The following IMPDH1 variants were observed in gnomAD, a reference collection of about 807,000 sequenced individuals.
The protein encoded by IMPDH1 is inosine-5'-monophosphate dehydrogenase 1.
Under a neutral mutation model 73.5 loss-of-function variants are expected in IMPDH1, and 41 were observed. The ratio of observed to expected loss-of-function variants is 0.56; its 90% CI spans 0.43 to 0.72. IMPDH1 has a LOEUF of 0.72. Ranked by LOEUF, IMPDH1 falls within the 30% of genes least tolerant of loss-of-function variation. The pLI, the probability that IMPDH1 is intolerant of heterozygous loss-of-function variation, is 0.00. For missense variants in IMPDH1, 645 were observed against 824.8 expected, an observed-to-expected ratio of 0.78 and a Z score of 2.67; for synonymous variants, 318 against 334.3, an observed-to-expected ratio of 0.95 and a Z score of 0.53.
rs1446495446 is a variant in IMPDH1 at position 128,395,216 on chromosome 7, C to T, written c.1320G>A (p.Arg440=). The part of the protein sequence containing the change: ...TAVYKVAEYA[R]RFGVPIIADG... ...CGGCTATGATGGGCACACCAAAGCGCCGGGCATACTCAGCCACCTTGTACA... is the reference window on the plus strand; with the variant it reads ...CGGCTATGATGGGCACACCAAAGCGTCGGGCATACTCAGCCACCTTGTACA... Residue 440 remains arginine (R), a synonymous_variant, in exon 13 of 17, where the codon CGG becomes CGA. Transcript: ENST00000338791. 6.2e-7 allele frequency: 1 copy of T among 1,613,916 alleles called. No individual in the cohort carries two copies. Among genetic ancestry groups the T allele is most frequent in the Admixed American group, 1.7e-5 (1 of 60,032 alleles).
intron 13 of IMPDH1, 28 bp from the exon 14 acceptor site, chr7:128,395,061 C>A (rs368722619): frequency 8.7e-6 from 14 of 1,613,710 alleles, no homozygotes; most frequent in Admixed American, 8.3e-5. Context: ...TTAGTGCCTC[C>A]AGCCCACTAG....
At chr7:128,397,443 C>T (rs1374212253) in intron 10 of IMPDH1, among the ~76,000 whole-genome samples, 1 of 152,146 alleles carries the variant, frequency 6.6e-6, no homozygotes, top group Non-Finnish European at 1.5e-5. Context: ...AAGGTCTTGA[C>T]GCAGTGCCTG....
In IMPDH1 at chr7:128,396,655, A is replaced by G. The variant is rs1337846748; in HGVS notation, c.1206T>C (p.Gly402=). The G allele has an allele frequency of 5.1e-6, 8 of 1,555,550 alleles. No individual in the cohort carries two copies. Among genetic ancestry groups the G allele is most frequent in the Admixed American group, 1.9e-5 (1 of 51,704 alleles). The change falls in exon 12 of 17, where the codon GGT becomes GGC. Residue 402 remains glycine (G), a synonymous_variant. Coordinates refer to ENST00000338791, the MANE Select transcript of IMPDH1 (RefSeq NM_000883.4). The surrounding 1 kb of genome is among the most constrained non-coding windows in gnomAD (Gnocchi z 4.0). The part of the protein sequence containing the change: ...AAQAKNLIDA[G]VDGLRVGMGC... ...CCATGCCCACGCGCAGCCCGTCCACACCAGCATCAATCAGGTTCTTGGCCT... is the reference window on the plus strand; with the variant it reads ...CCATGCCCACGCGCAGCCCGTCCACGCCAGCATCAATCAGGTTCTTGGCCT...
chr7:128,405,951 C>T, intron 3 of IMPDH1, 86 bp from the exon 4 acceptor site: 1 of 1,238,188 alleles, frequency 8.1e-7, no homozygotes. Context: ...CTGCTGACGC[C>T]GCGCCGCGGC....
intron 5 of IMPDH1, 50 bp downstream of exon 5, chr7:128,403,656 T>G (rs527993737): frequency 6.4e-7 from 1 of 1,551,432 alleles, no homozygotes; most frequent in South Asian, 1.1e-5. Flanking sequence ...AGTCAGCCTC[T>G]TCCACCACAT....
At chr7:128,400,276 G>A in intron 8 of IMPDH1, 57 bp downstream of exon 8, 10 of 1,603,428 alleles carry the variant, frequency 6.2e-6, no homozygotes, top group Non-Finnish European at 8.5e-6. Flanking sequence ...CCAGTCTGAG[G>A]CCCCAGCGTG....
In IMPDH1 at chr7:128,409,276, A is replaced by G. The variant is rs1798978009; in HGVS notation, c.254+13T>C. The G allele has an allele frequency of 6.2e-7, 1 of 1,607,238 alleles. No homozygotes were observed. The highest frequency in any genetic ancestry group is 1.3e-5 in the African/African-American group (1 of 74,756). Reference sequence around the variant, plus strand: ...GATCTCAGTGCATGGTGAGGAGGGGAGAGTGTCCTCACCTAGCCCTGCGAA... The same window carrying G: ...GATCTCAGTGCATGGTGAGGAGGGGGGAGTGTCCTCACCTAGCCCTGCGAA... On this transcript the variant is annotated intron_variant, in intron 3 of 16. Coordinates refer to ENST00000338791, the MANE Select transcript of IMPDH1 (RefSeq NM_000883.4).
intron 3 of IMPDH1, among the ~76,000 whole-genome samples, chr7:128,406,550 A>G (rs1798793783): frequency 6.6e-6 from 1 of 151,254 alleles, no homozygotes. Context: ...TCATAATGAC[A>G]CTCCTTGACC....
In IMPDH1 at chr7:128,394,232, C is replaced by A; in HGVS notation, c.1778+46G>T. The A allele has an allele frequency of 6.5e-7, 1 of 1,539,712 alleles. No individual in the cohort carries two copies. Among genetic ancestry groups the A allele is most frequent in the East Asian group, 2.2e-5 (1 of 44,536 alleles). On this transcript the variant is annotated intron_variant, in intron 16 of 16. Coordinates refer to ENST00000338791, the MANE Select transcript of IMPDH1 (RefSeq NM_000883.4). The surrounding 1 kb of genome is among the most constrained non-coding windows in gnomAD (Gnocchi z 5.5). ...ACCTCAGAACCCTGGCCCCACCTGC[C>A]CAACCCACTGCCTCCAAGTGACAGC...
In IMPDH1 at chr7:128,394,604, G is replaced by A. The variant is rs370558710; in HGVS notation, c.1551-5C>T. 4.6e-5 allele frequency: 75 copies of A among 1,613,068 alleles called. No homozygotes were observed. Among genetic ancestry groups the A allele is most frequent in the African/African-American group, 1.2e-4 (9 of 74,876 alleles). ...ATCTTCACTTTATCCCCCTCGCTGCGTGGAGGGTGGAAGACTGAGCCCAGC... is the reference window on the plus strand; with the variant it reads ...ATCTTCACTTTATCCCCCTCGCTGCATGGAGGGTGGAAGACTGAGCCCAGC... On this transcript the variant is annotated splice_region_variant and splice_polypyrimidine_tract_variant and intron_variant, in intron 14 of 16. Transcript: ENST00000338791. This position sits in a 1 kb window ranked among gnomAD's most constrained non-coding sequence, Gnocchi z 5.5.
intron 4 of IMPDH1, 115 bp from the exon 5 acceptor site, chr7:128,403,869 C>T: frequency 1.1e-6 from 1 of 877,310 alleles, no homozygotes; most frequent in Non-Finnish European, 1.9e-6. Flanking sequence ...GGAGCAGAGG[C>T]TACAGCCCCC....
rs1584713311 is a variant in IMPDH1 at position 128,394,498 on chromosome 7, T to C, written c.1652A>G (p.His551Arg). ...GCGGGCCCCGATATCCTGGCAGCCG[T>C]GTTGGATGCCTGCTATGAGGTAGGG... ...FVPYLIAGIQ[H>R]GCQDIGARSL... The change falls in exon 15 of 17, where the codon CAC becomes CGC. Residue 551 changes from histidine (H) to arginine (R), a missense_variant. By Grantham distance (29) the His-to-Arg change is conservative. This residue lies in a region of IMPDH1 where 459 missense variants were observed against 638.2 expected (regional missense o/e 0.72). Coordinates refer to ENST00000338791, the MANE Select transcript of IMPDH1 (RefSeq NM_000883.4). The surrounding 1 kb of genome is among the most constrained non-coding windows in gnomAD (Gnocchi z 5.5). 1 of 1,613,910 alleles carries C rather than the reference T, an allele frequency of 6.2e-7. No individual in the cohort carries two copies. The highest frequency in any genetic ancestry group is 1.3e-5 in the African/African-American group (1 of 74,920).
At chr7:128,400,225 GAGA>G in intron 8 of IMPDH1, 43 bp from the exon 9 acceptor site, 2 of 1,611,930 alleles carry the variant, frequency 1.2e-6, no homozygotes, top group Non-Finnish European at 1.7e-6. Context: ...GCAGGTGAGA[GAGA>G]AGGAGCCAGG....
At position 128,396,670 on chromosome 7, in the gene IMPDH1, G is replaced by T. The variant is rs1797937715; in HGVS notation, c.1191C>A (p.Asn397Lys). The T allele has an allele frequency of 1.3e-6, 2 of 1,554,602 alleles. No homozygotes were observed. The highest frequency in any genetic ancestry group is 1.7e-6 in the Non-Finnish European group (2 of 1,148,446). The change falls in exon 12 of 17, where the codon AAC (asparagine) becomes AAA (lysine). Residue 397 changes from asparagine (N) to lysine (K), a missense_variant. Physicochemically the swap from Asn to Lys is moderately conservative, Grantham distance 94. This residue lies in a region of IMPDH1 where 459 missense variants were observed against 638.2 expected (regional missense o/e 0.72). Coordinates refer to ENST00000338791, the MANE Select transcript of IMPDH1 (RefSeq NM_000883.4). This position sits in a 1 kb window ranked among gnomAD's most constrained non-coding sequence, Gnocchi z 4.0. The stretch of plus-strand genomic sequence containing the variant: ...GCCCGTCCACACCAGCATCAATCAG[G>T]TTCTTGGCCTGGGCTGCTGTCACCA... ...GNVVTAAQAK[N>K]LIDAGVDGLR...
chr7:128,397,115 T>C (rs1216677255), intron 10 of IMPDH1, 93 bp from the exon 11 acceptor site: 1 of 844,114 alleles, frequency 1.2e-6, no homozygotes, highest in South Asian at 1.3e-5. Context: ...TCAAATCCTA[T>C]GAAAACTGTT....
In IMPDH1 at chr7:128,398,800, G is replaced by A. The variant is rs1195439726; in HGVS notation, c.875-187C>T. Among the ~76,000 whole-genome samples the A allele has an allele frequency of 1.3e-5, 2 of 152,194 alleles. No homozygotes were observed. The highest frequency in any genetic ancestry group is 1.3e-4 in the Admixed American group (2 of 15,282). On this transcript the variant is annotated intron_variant, in intron 9 of 16. Transcript: ENST00000338791. This position sits in a 1 kb window ranked among gnomAD's most constrained non-coding sequence, Gnocchi z 4.3. ...ACCTAGCCCTCTTCCCAAGGAACAG[G>A]GAGCAAAGAAATCTTTCAGCCCAGC...
intron 16 of IMPDH1, 96 bp from the exon 17 acceptor site, chr7:128,393,124 ACAGAGAGC>A: frequency 1.5e-6 from 2 of 1,365,328 alleles, no homozygotes; most frequent in Admixed American, 1.7e-5. Flanking sequence ...GTAGGAGAGA[ACAGAGAGC>A]TGAGAAGCCC....
rs1164950750 is a variant in IMPDH1 at position 128,409,849 on chromosome 7, A to G, written c.53T>C (p.Val18Ala). 2 of 1,492,120 alleles carry G rather than the reference A, an allele frequency of 1.3e-6. No individual in the cohort carries two copies. The highest frequency in any genetic ancestry group is 2.8e-5 in the East Asian group (1 of 35,896). 92.4% of individuals were successfully genotyped at this position (1,492,120 alleles called of 1,614,324 possible). Residue 18 changes from valine (V) to alanine (A), a missense_variant, in exon 1 of 17, where the codon GTT (valine) becomes GCT (alanine). Physicochemically the swap from Val to Ala is moderately conservative, Grantham distance 64. This residue lies in a region of IMPDH1 where 186 missense variants were observed against 186.6 expected (regional missense o/e 1.00). Coordinates refer to ENST00000338791, the MANE Select transcript of IMPDH1 (RefSeq NM_000883.4). ...PPLQGGGAAA[V>A]PEPGARQHPG... Reference sequence around the variant, plus strand: ...GTGTTGCCGGGCTCCGGGCTCCGGAACAGCGGCGGCTCCGCCTCCCTGCAG... The same window carrying G: ...GTGTTGCCGGGCTCCGGGCTCCGGAGCAGCGGCGGCTCCGCCTCCCTGCAG...
At position 128,409,902 on chromosome 7, in the gene IMPDH1, G is replaced by A; in HGVS notation, c.-1C>T. The A allele has an allele frequency of 7.1e-7, 1 of 1,411,728 alleles. No homozygotes were observed. The highest frequency in any genetic ancestry group is 1.5e-5 in the South Asian group (1 of 66,566). The allele number at this position is 1,411,728 out of a possible 1,614,324, so 87.5% of individuals were successfully genotyped here. On this transcript the variant is annotated 5_prime_UTR_variant, in exon 1 of 17. Transcript: ENST00000338791. ...GTGGTGGAGTGAGTGGCCCCTCCAT[G>A]CGGAGGCCGCAGCTCAGGGCGGGCG...
Sources: allele counts gnomAD v4.1 joint callset (sites outside exome capture counted in the v4.1 genomes callset), GRCh38; gene constraint gnomAD v4.1.1; regional missense constraint gnomAD v4.1.1; non-coding constraint Gnocchi (gnomAD v3.1); transcripts MANE v1.5; gene names NCBI Gene and HGNC (gene_info 2026-07-23, HGNC 2026-07-21).